The following PAX7 variants were observed in gnomAD, a reference collection of about 807,000 sequenced individuals.
PAX7 encodes paired box 7, also known as paired box protein Pax-7.
PAX7 carries 18 observed loss-of-function variants against 50.7 expected under a neutral mutation model. That is an observed-to-expected ratio of 0.36 (90% confidence interval 0.25 to 0.53). The LOEUF (loss-of-function observed/expected upper bound fraction) is 0.53. Ranked by LOEUF, PAX7 falls within the 20% of genes least tolerant of loss-of-function variation. PAX7 has a pLI of 0.93. For missense variants in PAX7, 644 were observed against 702.9 expected (o/e 0.92, Z 0.95); for synonymous variants, 310 against 290.4 (o/e 1.07, Z -0.69).
intron 4 of PAX7, among the ~76,000 whole-genome samples, chr1:18,672,156 C>A (rs1245632447): frequency 6.6e-6 from 1 of 152,054 alleles, no homozygotes; most frequent in East Asian, 1.9e-4. Flanking sequence ...GATGTCCAAC[C>A]CTAACAGCTT....
intron 4 of PAX7, among the ~76,000 whole-genome samples, chr1:18,652,508 T>C (rs1371990874): frequency 2.7e-4 from 41 of 152,158 alleles, no homozygotes. Context: ...GAGTGATGTT[T>C]ATTAATAGTT....
intron 4 of PAX7, among the ~76,000 whole-genome samples, chr1:18,675,777 A>C (rs1007792866): frequency 3.3e-5 from 5 of 151,732 alleles, no homozygotes; most frequent in African/African-American, 1.2e-4. Context: ...GAGTGAATTC[A>C]TATCTTGAAG....
At chr1:18,719,558 G>A (rs1455606691) in intron 7 of PAX7, among the ~76,000 whole-genome samples, 1 of 152,250 alleles carries the variant, frequency 6.6e-6, no homozygotes, top group Non-Finnish European at 1.5e-5. Context: ...GGTCCCGTGA[G>A]GGCCCTGGCA....
At chr1:18,644,119 G>A (rs2088302935) in intron 4 of PAX7, among the ~76,000 whole-genome samples, 1 of 152,256 alleles carries the variant, frequency 6.6e-6, no homozygotes, top group African/African-American at 2.4e-5. Context: ...GCGGACTGGA[G>A]GGCGAGTAAT....
At chr1:18,648,164 G>A (rs1167914077) in intron 4 of PAX7, among the ~76,000 whole-genome samples, 1 of 151,918 alleles carries the variant, frequency 6.6e-6, no homozygotes. Context: ...AGGTAGGTGA[G>A]GGTATGTGAC....
chr1:18,742,276 G>T (rs1931189824), intron 8 of PAX7, among the ~76,000 whole-genome samples: 1 of 149,320 alleles, frequency 6.7e-6, no homozygotes, highest in Non-Finnish European at 1.5e-5. Flanking sequence ...TCCTGCCTCA[G>T]CATCCCGAGT....
At chr1:18,668,214 C>G (rs1199434426) in intron 4 of PAX7, among the ~76,000 whole-genome samples, 1 of 152,118 alleles carries the variant, frequency 6.6e-6, no homozygotes, top group Non-Finnish European at 1.5e-5. Context: ...AAGTTCTGGC[C>G]CAGAGTCAGA....
At chr1:18,678,332 G>A (rs184383340) in intron 4 of PAX7, among the ~76,000 whole-genome samples, 101 of 152,254 alleles carry the variant, frequency 6.6e-4, no homozygotes, top group Non-Finnish European at 1.3e-3. Context: ...CCAGGAGGCG[G>A]AGGTTGCAGT....
intron 8 of PAX7, among the ~76,000 whole-genome samples, chr1:18,738,463 A>G (rs774489502): frequency 1.3e-5 from 2 of 152,108 alleles, no homozygotes; most frequent in Non-Finnish European, 2.9e-5. Context: ...TCAAAAGGGA[A>G]GGGGCCTAGG....
intron 7 of PAX7, among the ~76,000 whole-genome samples, chr1:18,716,220 C>A (rs1196670018): frequency 6.6e-6 from 1 of 152,338 alleles, no homozygotes; most frequent in East Asian, 1.9e-4. Context: ...GGGTCGGGTC[C>A]CCCAGGACAT....
intron 7 of PAX7, among the ~76,000 whole-genome samples, chr1:18,713,038 C>T (rs750714808): frequency 1.6e-4 from 25 of 152,170 alleles, no homozygotes; most frequent in Non-Finnish European, 2.1e-4. Context: ...GCTGAGATAA[C>T]GCTACTGCCT....
intron 4 of PAX7, among the ~76,000 whole-genome samples, chr1:18,689,346 A>G (rs973259870): frequency 2.0e-5 from 3 of 152,214 alleles, no homozygotes; most frequent in African/African-American, 7.2e-5. Flanking sequence ...GGGCCCCAGG[A>G]TGGCAGCTGT....
intron 5 of PAX7, among the ~76,000 whole-genome samples, chr1:18,692,668 A>C (rs969335402): frequency 2.0e-5 from 3 of 152,246 alleles, no homozygotes; most frequent in African/African-American, 7.2e-5. Context: ...GAAGATTTCC[A>C]AACAAGCCTA....
At chr1:18,643,674 G>A (rs901928753) in intron 4 of PAX7, among the ~76,000 whole-genome samples, 2 of 152,208 alleles carry the variant, frequency 1.3e-5, no homozygotes, top group Non-Finnish European at 2.9e-5. Context: ...TAGGAGGCGG[G>A]CGAGCCGCGG....
At chr1:18,713,974 G>A (rs553895202) in intron 7 of PAX7, among the ~76,000 whole-genome samples, 2 of 152,308 alleles carry the variant, frequency 1.3e-5, no homozygotes, top group South Asian at 2.1e-4. Context: ...ACTTTGGGAG[G>A]CCAAGGCGGG....
intron 7 of PAX7, among the ~76,000 whole-genome samples, chr1:18,707,458 T>C (rs1409838729): frequency 1.5e-5 from 2 of 132,188 alleles, no homozygotes; most frequent in East Asian, 4.9e-4. Flanking sequence ...TTCACTCTGT[T>C]ACCCAGGCTG....
chr1:18,635,320 G>T (rs1335177357), intron 3 of PAX7, 80 bp downstream of exon 3: 3 of 1,524,910 alleles, frequency 2.0e-6, no homozygotes, highest in Non-Finnish European at 2.7e-6. Flanking sequence ...GTGGGAGAGA[G>T]GGGAGAGGAG....
rs572146101 is a variant in PAX7, at chr1:18,686,504, C to G, written c.587-5250C>G. Among the ~76,000 whole-genome samples the G allele has an allele frequency of 1.7e-4, 26 of 152,342 alleles. No individual in the cohort carries two copies. The South Asian group carries it at 5.0e-3, about 29-fold the overall frequency. Reference sequence around the variant, plus strand: ...AATGCGTTCCCATGTTCACTCCCCCCACGTCCCCCTCCTCGAACCAGCTGC... The same window carrying G: ...AATGCGTTCCCATGTTCACTCCCCCGACGTCCCCCTCCTCGAACCAGCTGC... On this transcript the variant is annotated intron_variant, in intron 4 of 8. Transcript: ENST00000420770.
At chr1:18,707,415 CT>C (rs60914648) in intron 7 of PAX7, among the ~76,000 whole-genome samples, 953 of 28,074 alleles carry the variant, frequency 0.034, 9 homozygotes, top group African/African-American at 0.091. Context: ...TTTTTTCTTT[CT>C]TTTTTTTTTT....
Sources: allele counts gnomAD v4.1 joint callset (sites outside exome capture counted in the v4.1 genomes callset), GRCh38; gene constraint gnomAD v4.1.1; transcripts MANE v1.5; gene names NCBI Gene and HGNC (gene_info 2026-07-23, HGNC 2026-07-21).